PCCA: variants seen among roughly 807,000 people sequenced by gnomAD.
PCCA encodes the protein propionyl-CoA carboxylase alpha chain, mitochondrial.
In PCCA, 74 loss-of-function variants were observed where a neutral mutation model predicts 101.3. The ratio of observed to expected loss-of-function variants is 0.73; its 90% CI spans 0.61 to 0.89. The LOEUF (loss-of-function observed/expected upper bound fraction) is 0.89, where lower values mean the gene tolerates loss of function less well. Ranked by LOEUF, PCCA falls within the 40% of genes least tolerant of loss-of-function variation. PCCA has a pLI of 0.00. For synonymous variants in PCCA, 294 were observed against 313.6 expected, an observed-to-expected ratio of 0.94 and a Z score of 0.66; for missense variants, 891 against 907.0, an observed-to-expected ratio of 0.98 and a Z score of 0.23.
At chr13:100,301,784 G>T (rs1179265859) in intron 13 of PCCA, among the ~76,000 whole-genome samples, 181 bp downstream of exon 13, 1 of 152,174 alleles carries the variant, frequency 6.6e-6, no homozygotes, top group Admixed American at 6.5e-5. Context: ...TAGTTTTAAA[G>T]AATTGGGCTT....
chr13:100,136,376 G>GA (rs2051172827), intron 4 of PCCA, among the ~76,000 whole-genome samples: 1 of 151,786 alleles, frequency 6.6e-6, no homozygotes. Flanking sequence ...AGTAGAGGTG[G>GA]GGTTTCTCCA....
intron 21 of PCCA, among the ~76,000 whole-genome samples, chr13:100,506,628 C>T (rs1203016639): frequency 6.6e-6 from 1 of 152,176 alleles, no homozygotes; most frequent in Non-Finnish European, 1.5e-5. Context: ...TGAAGCCCCT[C>T]ACATTAGAAC....
chr13:100,471,315 A>G (rs1206069059), intron 21 of PCCA, among the ~76,000 whole-genome samples: 1 of 152,232 alleles, frequency 6.6e-6, no homozygotes, highest in Non-Finnish European at 1.5e-5. Context: ...TGGTAACATC[A>G]AAGATCAGCG....
chr13:100,403,122 G>T (rs914351213), intron 19 of PCCA, among the ~76,000 whole-genome samples: 1 of 152,072 alleles, frequency 6.6e-6, no homozygotes, highest in Non-Finnish European at 1.5e-5. Flanking sequence ...AACTGTAGCA[G>T]GTTGGAGATG....
intron 19 of PCCA, among the ~76,000 whole-genome samples, chr13:100,377,716 G>C (rs529126166): frequency 2.6e-5 from 4 of 152,028 alleles, no homozygotes; most frequent in Admixed American, 2.6e-4. Context: ...GGATGGTCTC[G>C]ATCTCCTGAC....
chr13:100,257,588 C>T lies in PCCA; in HGVS notation c.638-7C>T, dbSNP rs2152558252. The T allele has an allele frequency of 6.2e-7, 1 of 1,608,958 alleles. No individual in the cohort carries two copies. Among genetic ancestry groups the T allele is most frequent in the Non-Finnish European group, 8.5e-7 (1 of 1,175,952 alleles). On this transcript the variant is annotated splice_region_variant and splice_polypyrimidine_tract_variant and intron_variant, in intron 8 of 23. Coordinates refer to ENST00000376285, the MANE Select transcript of PCCA (RefSeq NM_000282.4). ...TGAACTTCTGTCTAATTCTTCCCTG[C>T]TGTTAGGCTACCCTGTCATGATCAA...
At chr13:100,195,545 TCA>T (rs2058054198) in intron 6 of PCCA, among the ~76,000 whole-genome samples, 2 of 152,324 alleles carry the variant, frequency 1.3e-5, no homozygotes, top group South Asian at 4.1e-4. Context: ...TCAAATTTTC[TCA>T]GTGTTATTGC....
At chr13:100,368,189 T>TA (rs1455845443) in intron 18 of PCCA, among the ~76,000 whole-genome samples, 1 of 152,126 alleles carries the variant, frequency 6.6e-6, no homozygotes, top group Non-Finnish European at 1.5e-5. Context: ...ATGGCATACT[T>TA]ACTTATTTCA....
At chr13:100,460,914 C>G (rs1339474970) in intron 21 of PCCA, among the ~76,000 whole-genome samples, 1 of 152,118 alleles carries the variant, frequency 6.6e-6, no homozygotes, top group Non-Finnish European at 1.5e-5. Context: ...TGACCCTTAC[C>G]TAGCTTCTAA....
chr13:100,371,518 C>T (rs1410124990), intron 19 of PCCA, among the ~76,000 whole-genome samples: 1 of 152,158 alleles, frequency 6.6e-6, no homozygotes, highest in Non-Finnish European at 1.5e-5. Context: ...AGTAGGTTCA[C>T]TTGAGCCCAG....
intron 7 of PCCA, among the ~76,000 whole-genome samples, chr13:100,217,398 C>A (rs1485656561): frequency 6.6e-6 from 1 of 150,450 alleles, no homozygotes; most frequent in Admixed American, 6.6e-5. Context: ...GAGCCGAGAT[C>A]ATGCCACTGC....
chr13:100,506,772 TAGG>T (rs1166221360), intron 21 of PCCA, among the ~76,000 whole-genome samples: 2 of 152,050 alleles, frequency 1.3e-5, no homozygotes, highest in Non-Finnish European at 2.9e-5. Context: ...GCATTTCAGA[TAGG>T]AGGAGAAAAA....
intron 12 of PCCA, among the ~76,000 whole-genome samples, chr13:100,297,733 C>T (rs1481632945): frequency 6.6e-6 from 1 of 152,122 alleles, no homozygotes; most frequent in Non-Finnish European, 1.5e-5. Context: ...TTATTCTAGT[C>T]CATGAGGGTG....
chr13:100,114,661 C>G (rs999439004), intron 4 of PCCA, among the ~76,000 whole-genome samples: 5 of 152,054 alleles, frequency 3.3e-5, no homozygotes, highest in African/African-American at 1.2e-4. Context: ...ATACAAATCA[C>G]AAACAGGTAT....
At chr13:100,232,351 CGTGTGTGTGTGT>C (rs375554722) in intron 7 of PCCA, among the ~76,000 whole-genome samples, 37 of 131,264 alleles carry the variant, frequency 2.8e-4, no homozygotes, top group South Asian at 2.3e-3. Flanking sequence ...TGTGTGTATG[CGTGTGTGTGTGT>C]GTGTGTGTGT....
At chr13:100,452,256 C>T (rs1306538535) in intron 21 of PCCA, among the ~76,000 whole-genome samples, 1 of 151,710 alleles carries the variant, frequency 6.6e-6, no homozygotes, top group Non-Finnish European at 1.5e-5. Context: ...GTCTCCCTCT[C>T]CCCTGTCTCT....
intron 6 of PCCA, among the ~76,000 whole-genome samples, chr13:100,187,118 A>T (rs1407117503): frequency 6.6e-6 from 1 of 152,244 alleles, no homozygotes; most frequent in Non-Finnish European, 1.5e-5. Flanking sequence ...AGCTATACTG[A>T]TACAGGATTT....
chr13:100,174,021 A>G (rs1417222292), intron 6 of PCCA, among the ~76,000 whole-genome samples: 1 of 152,136 alleles, frequency 6.6e-6, no homozygotes, highest in Non-Finnish European at 1.5e-5. Context: ...AGTTGTGGGT[A>G]TTTCTTCATA....
At chr13:100,120,686 G>T (rs1418013922) in intron 4 of PCCA, among the ~76,000 whole-genome samples, 1 of 152,136 alleles carries the variant, frequency 6.6e-6, no homozygotes, top group East Asian at 1.9e-4. Context: ...ATTGGTCAGG[G>T]CAGGAGAAAG....
Sources: gnomAD v4.1 joint callset for allele counts (sites outside exome capture counted in the v4.1 genomes callset) on GRCh38, gnomAD v4.1.1 for gene constraint, MANE v1.5 for transcripts, NCBI Gene and HGNC (gene_info 2026-07-23, HGNC 2026-07-21) for gene names.